Variants in WWC1 observed in about 807,000 individuals in gnomAD.
WWC1 encodes WW and C2 domain containing 1.
In WWC1, 55 loss-of-function variants were observed where a neutral mutation model predicts 138.4. The observed-to-expected ratio is 0.40, with a 90% CI of 0.32 to 0.50. WWC1 has a LOEUF of 0.50. Among genes scored for constraint, WWC1 ranks in the 20% least tolerant of loss-of-function variants. The pLI, the probability that WWC1 is intolerant of heterozygous loss-of-function variation, is 0.72. For synonymous variants in WWC1, 524 were observed against 564.9 expected (o/e 0.93, Z 1.03); for missense variants, 1,226 against 1,420.4 (o/e 0.86, Z 2.20).
chr5:168,345,532 A>G (rs78955547), intron 1 of WWC1, among the ~76,000 whole-genome samples: 1 of 152,214 alleles, frequency 6.6e-6, no homozygotes, highest in Non-Finnish European at 1.5e-5. Flanking sequence ...GACATTCACA[A>G]ACTTCATGAA....
chr5:168,364,087 G>A (rs1776102277), intron 1 of WWC1, among the ~76,000 whole-genome samples: 1 of 152,052 alleles, frequency 6.6e-6, no homozygotes, highest in African/African-American at 2.4e-5. Flanking sequence ...ATACTGTATA[G>A]GTTATCTCAT....
intron 1 of WWC1, among the ~76,000 whole-genome samples, chr5:168,325,759 T>G (rs947514691): frequency 3.8e-4 from 58 of 152,142 alleles, no homozygotes; most frequent in Admixed American, 3.8e-3. Context: ...CCACCATCCA[T>G]CTCCAGAACT....
intron 1 of WWC1, among the ~76,000 whole-genome samples, chr5:168,321,622 C>T (rs1490542500): frequency 6.6e-6 from 1 of 151,468 alleles, no homozygotes; most frequent in Non-Finnish European, 1.5e-5. Context: ...ACTGCAACCT[C>T]TGCCTCCTGG....
At chr5:168,352,746 G>A (rs1775082632) in intron 1 of WWC1, among the ~76,000 whole-genome samples, 2 of 151,880 alleles carry the variant, frequency 1.3e-5, no homozygotes, top group African/African-American at 4.8e-5. Context: ...ACCTTGCCCA[G>A]CTAATTTTTG....
At chr5:168,406,729 CA>C (rs1374867194) in intron 6 of WWC1, among the ~76,000 whole-genome samples, 1 of 152,126 alleles carries the variant, frequency 6.6e-6, no homozygotes, top group East Asian at 1.9e-4. Context: ...ATCATGGGGT[CA>C]GGAGATCGAG....
chr5:168,417,620 A>T (rs1384978134), intron 9 of WWC1, among the ~76,000 whole-genome samples: 1 of 152,102 alleles, frequency 6.6e-6, no homozygotes, highest in Non-Finnish European at 1.5e-5. Context: ...GCCTTCTGTT[A>T]TTGCCTTCAA....
rs1399632227 is a variant in WWC1, at chr5:168,409,287, T to C, written c.867+634T>C. On this transcript the variant is annotated intron_variant, in intron 7 of 22. Transcript: ENST00000265293. The stretch of plus-strand genomic sequence containing the variant: ...GCGGACAGCCTCTATATGCTGTTCC[T>C]ATCTAAGTTCCATAGCTGTCTTCCC... Among the ~76,000 whole-genome samples, 3 of 152,176 alleles carry C rather than the reference T, an allele frequency of 2.0e-5. No homozygotes were observed. In the South Asian group the frequency reaches 6.2e-4, roughly 32 times the overall value.
At chr5:168,442,930 T>C (rs1754915799) in intron 16 of WWC1, among the ~76,000 whole-genome samples, 1 of 152,216 alleles carries the variant, frequency 6.6e-6, no homozygotes, top group Non-Finnish European at 1.5e-5. Context: ...CAGTACGCTT[T>C]AATGTATTAA....
At chr5:168,459,506 C>T (rs1467858248) in intron 19 of WWC1, among the ~76,000 whole-genome samples, 1 of 152,162 alleles carries the variant, frequency 6.6e-6, no homozygotes, top group Non-Finnish European at 1.5e-5. Flanking sequence ...CTTAATCTCT[C>T]TGGGCCTCAG....
In WWC1 at chr5:168,408,607, C is replaced by A. The variant is rs144344774; in HGVS notation, c.821C>A (p.Pro274Gln). 1 of 1,614,168 alleles carries A rather than the reference C, an allele frequency of 6.2e-7. No homozygotes were observed. The highest frequency in any genetic ancestry group is 1.7e-5 in the Admixed American group (1 of 60,020). Residue 274 changes from proline (P) to glutamine (Q), a missense_variant, in exon 7 of 23, where the codon CCG (proline) becomes CAG (glutamine). Physicochemically the swap from Pro to Gln is moderately conservative, Grantham distance 76 (BLOSUM62 -1). Transcript: ENST00000265293. ...SSLESSSFPLPKQYLDVSSQT... is the reference protein window; with the variant it reads ...SSLESSSFPLQKQYLDVSSQT... The stretch of plus-strand genomic sequence containing the variant: ...CTGGAGAGTTCGAGTTTCCCGCTAC[C>A]GAAACAGTACCTGGATGTGAGCTCC...
intron 1 of WWC1, among the ~76,000 whole-genome samples, chr5:168,297,498 T>C (rs753372853): frequency 6.6e-6 from 1 of 152,030 alleles, no homozygotes; most frequent in Non-Finnish European, 1.5e-5. Context: ...TGGCGGTGCA[T>C]GCCTGTAATC....
intron 1 of WWC1, among the ~76,000 whole-genome samples, chr5:168,362,680 C>T (rs890499556): frequency 6.6e-6 from 1 of 152,184 alleles, no homozygotes; most frequent in Non-Finnish European, 1.5e-5. Context: ...ACAGGCAGCA[C>T]ACAGAGGGGA....
intron 17 of WWC1, among the ~76,000 whole-genome samples, chr5:168,451,562 A>G (rs1332972727): frequency 2.0e-5 from 3 of 152,058 alleles, no homozygotes; most frequent in Non-Finnish European, 2.9e-5. Context: ...TTAGCCGGGC[A>G]TGGTGGCACG....
chr5:168,354,646 C>T (rs975826423), intron 1 of WWC1, among the ~76,000 whole-genome samples: 4 of 152,148 alleles, frequency 2.6e-5, no homozygotes, highest in Non-Finnish European at 4.4e-5. Context: ...GTCTGACTTG[C>T]CAGTCTAGAC....
rs528425330 is a variant in WWC1, at chr5:168,366,144, A to T, written c.120-5280A>T. 4.6e-5 allele frequency among the ~76,000 whole-genome samples: 7 copies of T among 152,318 alleles called. No homozygotes were observed. The South Asian group carries it at 1.2e-3, about 27-fold the overall frequency. ...GACGGGGGGTGGCTGGTTTAAATGG[A>T]CAATTCCTCTCCTTAACTGCCAGGA... On this transcript the variant is annotated intron_variant, in intron 1 of 22. Transcript: ENST00000265293.
intron 1 of WWC1, among the ~76,000 whole-genome samples, chr5:168,343,482 T>A (rs1774213522): frequency 1.3e-5 from 2 of 152,172 alleles, no homozygotes; most frequent in Admixed American, 1.3e-4. Flanking sequence ...CCATGCTGCT[T>A]GTCAGCAGCA....
chr5:168,406,388 C>T lies in WWC1; in HGVS notation c.720+61C>T, dbSNP rs1582183742. 9 of 1,598,838 alleles carry T rather than the reference C, an allele frequency of 5.6e-6. No homozygotes were observed. In the East Asian group the frequency reaches 2.0e-4, roughly 36 times the overall value. ...ATTTCTCCTGAGTATTCCTGTATGC[C>T]AGTCGTATGCGGGCTATTTCCACGT... On this transcript the variant is annotated intron_variant, in intron 6 of 22. Transcript: ENST00000265293.
chr5:168,413,059 C>T (rs1215588108), intron 8 of WWC1, among the ~76,000 whole-genome samples: 3 of 152,068 alleles, frequency 2.0e-5, no homozygotes, highest in African/African-American at 4.8e-5. Context: ...AAATTTTGTC[C>T]CCAGCAGTGT....
chr5:168,338,089 T>A (rs1012724392), intron 1 of WWC1, among the ~76,000 whole-genome samples: 3 of 151,998 alleles, frequency 2.0e-5, no homozygotes, highest in Non-Finnish European at 2.9e-5. Context: ...GGTGGGCAGA[T>A]CACCTGAGGT....
Sources: allele counts gnomAD v4.1 joint callset (sites outside exome capture counted in the v4.1 genomes callset), GRCh38; gene constraint gnomAD v4.1.1; transcripts MANE v1.5; gene names NCBI Gene and HGNC (gene_info 2026-07-23, HGNC 2026-07-21).